The following YTHDC2 variants were observed in gnomAD, a reference collection of about 807,000 sequenced individuals.
YTHDC2 encodes the protein 3'-5' RNA helicase YTHDC2.
YTHDC2 carries 45 observed loss-of-function variants against 174.9 expected under a neutral mutation model. That is an observed-to-expected ratio of 0.26 (90% CI 0.20 to 0.33). The LOEUF is 0.33. YTHDC2 is among the 10% of genes least tolerant of loss of function. The pLI is 1.00. For missense variants in YTHDC2, 1,650 were observed against 1,723.7 expected, an observed-to-expected ratio of 0.96 and a Z score of 0.76; for synonymous variants, 657 against 574.5, an observed-to-expected ratio of 1.14 and a Z score of -2.05.
intron 26 of YTHDC2, among the ~76,000 whole-genome samples, chr5:113,589,561 C>T (rs1430250917): frequency 6.6e-6 from 1 of 151,350 alleles, no homozygotes; most frequent in Non-Finnish European, 1.5e-5. Flanking sequence ...ACCCTATCAT[C>T]TCTACAAAAG....
In YTHDC2 at chr5:113,595,161, T is replaced by C. The variant is rs1348438947; in HGVS notation, c.*1687T>C. On this transcript the variant is annotated 3_prime_UTR_variant, in exon 30 of 30. Transcript: ENST00000161863. ...AAATTTCCATCTGTTTTGTAATATC[T>C]AGCTCTATATGTAAATGATGGGTTT... 6.6e-6 allele frequency: 1 copy of C among 152,128 alleles called. No homozygotes were observed. The highest frequency in any genetic ancestry group is 2.4e-5 in the African/African-American group (1 of 41,446). The allele number at this position is 152,128 out of a possible 1,614,324, so 9.4% of individuals were successfully genotyped here.
chr5:113,536,225 T>G (rs1227887928), intron 7 of YTHDC2, among the ~76,000 whole-genome samples: 2 of 152,132 alleles, frequency 1.3e-5, no homozygotes, highest in African/African-American at 4.8e-5. Flanking sequence ...AAATTCCTCT[T>G]CAAAAAATAC....
intron 23 of YTHDC2, among the ~76,000 whole-genome samples, chr5:113,576,104 AT>A (rs1429430633): frequency 1.3e-5 from 2 of 151,378 alleles, no homozygotes; most frequent in South Asian, 4.2e-4. Flanking sequence ...CTCTAAGTAA[AT>A]TTTTTTTTAG....
chr5:113,518,689 G>GTC (rs1275622481), intron 2 of YTHDC2, among the ~76,000 whole-genome samples: 1 of 151,776 alleles, frequency 6.6e-6, no homozygotes, highest in Admixed American at 6.6e-5. Context: ...TCTATTTCCA[G>GTC]TCTCTCATTG....
chr5:113,525,261 C>A, intron 3 of YTHDC2, 84 bp downstream of exon 3: 2 of 1,151,938 alleles, frequency 1.7e-6, no homozygotes, highest in Non-Finnish European at 2.4e-6. Context: ...TTTCGAAAAC[C>A]AAGATGAAAT....
rs780869771 is a variant in YTHDC2, at chr5:113,561,106, G to A, written c.2243G>A (p.Cys748Tyr). ...GCAGGGCGATGTAGACCTGGAATTT[G>A]TTTTCGTCTGTTCAGTAGACTCCGA... is the stretch of plus-strand genomic sequence containing the variant. ...GRAGRCRPGI[C>Y]FRLFSRLRFQ... Residue 748 changes from cysteine (C) to tyrosine (Y), a missense_variant, in exon 18 of 30, where the codon TGT becomes TAT. Cys to Tyr is a radical substitution (Grantham distance 194). This residue lies in a region of YTHDC2 where 913 missense variants were observed against 940.4 expected (regional missense o/e 0.97). Transcript: ENST00000161863. 1 of 1,608,498 alleles carries A rather than the reference G, an allele frequency of 6.2e-7. No individual in the cohort carries two copies. The highest frequency in any genetic ancestry group is 1.7e-5 in the Admixed American group (1 of 59,788).
chr5:113,516,387 G>A (rs1187145722), intron 2 of YTHDC2, among the ~76,000 whole-genome samples: 1 of 152,200 alleles, frequency 6.6e-6, no homozygotes, highest in Non-Finnish European at 1.5e-5. Context: ...TACATTGAGG[G>A]AAAAGTCATT....
At chr5:113,572,249 G>C (rs942446631) in intron 23 of YTHDC2, among the ~76,000 whole-genome samples, 3 of 152,202 alleles carry the variant, frequency 2.0e-5, no homozygotes, top group African/African-American at 7.2e-5. Context: ...TCAGGAGCAG[G>C]TTGTTCAGTT....
chr5:113,588,271 C>G (rs755164505), intron 26 of YTHDC2, among the ~76,000 whole-genome samples: 1 of 152,070 alleles, frequency 6.6e-6, no homozygotes, highest in Non-Finnish European at 1.5e-5. Flanking sequence ...ATATCTTTCC[C>G]TTGATCTTAG....
chr5:113,550,901 G>A (rs1247494838), intron 12 of YTHDC2, among the ~76,000 whole-genome samples: 1 of 151,870 alleles, frequency 6.6e-6, no homozygotes, highest in Non-Finnish European at 1.5e-5. Context: ...TTTCAGATTA[G>A]ATATTTAAAG....
chr5:113,570,654 T>G (rs1396307855), intron 23 of YTHDC2, among the ~76,000 whole-genome samples: 1 of 151,996 alleles, frequency 6.6e-6, no homozygotes, highest in African/African-American at 2.4e-5. Context: ...TGAATACTCT[T>G]TATTTCTTTA....
intron 23 of YTHDC2, among the ~76,000 whole-genome samples, chr5:113,578,587 T>C (rs4705555): frequency 0.34 from 51,660 of 152,010 alleles, 11,225 homozygotes; most frequent in African/African-American, 0.61. Flanking sequence ...TCTAACATTT[T>C]ATTTAAAACT....
chr5:113,525,234 T>G, intron 3 of YTHDC2, 57 bp downstream of exon 3: 2 of 1,358,724 alleles, frequency 1.5e-6, no homozygotes, highest in Admixed American at 5.4e-5. Context: ...ACTGTTCTTT[T>G]TCCATTTTAG....
intron 26 of YTHDC2, among the ~76,000 whole-genome samples, chr5:113,589,408 A>ATATATATATATATATATAT (rs1554103528): frequency 4.3e-4 from 53 of 123,206 alleles, no homozygotes; most frequent in Non-Finnish European, 5.7e-4. Context: ...AAAAAAAAAA[A>ATATATATATATATATATAT]ATATATATAT....
At chr5:113,584,747 T>A (rs1778582619) in intron 26 of YTHDC2, among the ~76,000 whole-genome samples, 1 of 151,718 alleles carries the variant, frequency 6.6e-6, no homozygotes. Context: ...GGCTGTTTAT[T>A]ATTTCTTTCC....
intron 17 of YTHDC2, among the ~76,000 whole-genome samples, chr5:113,557,296 C>T (rs961743885): frequency 2.6e-5 from 4 of 152,074 alleles, no homozygotes; most frequent in African/African-American, 4.8e-5. Flanking sequence ...ATTTATCTTG[C>T]ATTTTATTAT....
At chr5:113,537,803 C>T (rs867326323) in intron 7 of YTHDC2, among the ~76,000 whole-genome samples, 1 of 152,004 alleles carries the variant, frequency 6.6e-6, no homozygotes. Flanking sequence ...TTGCAAAACC[C>T]TTTTCTCTTC....
At chr5:113,543,220 A>G (rs952120118) in intron 10 of YTHDC2, among the ~76,000 whole-genome samples, 5 of 152,198 alleles carry the variant, frequency 3.3e-5, no homozygotes, top group South Asian at 2.1e-4. Flanking sequence ...TGTTAGGTGA[A>G]TAAAATTGGA....
At chr5:113,515,466 A>G in intron 2 of YTHDC2, 104 bp downstream of exon 2, 6 of 922,682 alleles carry the variant, frequency 6.5e-6, no homozygotes, top group Non-Finnish European at 1.0e-5. Context: ...TTTTAACTTC[A>G]CATTCTTAAT....
Sources: allele counts gnomAD v4.1 joint callset (sites outside exome capture counted in the v4.1 genomes callset), GRCh38; gene constraint gnomAD v4.1.1; regional missense constraint gnomAD v4.1.1; transcripts MANE v1.5; gene names NCBI Gene and HGNC (gene_info 2026-07-23, HGNC 2026-07-21).